Variants in NTM observed in about 807,000 individuals in gnomAD.
NTM encodes the protein neurotrimin.
Under a neutral mutation model 42.1 loss-of-function variants are expected in NTM, and 13 were observed. The ratio of observed to expected loss-of-function variants is 0.31; its 90% CI spans 0.20 to 0.49. NTM has a LOEUF of 0.49. Among genes scored for constraint, NTM ranks in the 20% least tolerant of loss-of-function variants. NTM has a pLI of 0.99. For missense variants in NTM, 373 were observed against 452.8 expected, an observed-to-expected ratio of 0.82 and a Z score of 1.60; for synonymous variants, 187 against 179.2, an observed-to-expected ratio of 1.04 and a Z score of -0.35.
chr11:132,065,779 AC>A (rs1566066001), intron 2 of NTM, among the ~76,000 whole-genome samples: 4 of 152,220 alleles, frequency 2.6e-5, no homozygotes, highest in African/African-American at 9.6e-5. Context: ...CATGTGACAT[AC>A]ATTAGTTCAT....
At chr11:131,648,985 T>A (rs914016127) in intron 1 of NTM, among the ~76,000 whole-genome samples, 1 of 152,238 alleles carries the variant, frequency 6.6e-6, no homozygotes, top group Non-Finnish European at 1.5e-5. Context: ...GAGCAAAGCA[T>A]GAGCCTGAGA....
intron 1 of NTM, among the ~76,000 whole-genome samples, chr11:131,780,813 G>T (rs2087948899): frequency 1.3e-5 from 2 of 152,112 alleles, no homozygotes; most frequent in South Asian, 4.1e-4. Context: ...TGGAAGGTGA[G>T]GCTGTGATGG....
At chr11:132,040,009 C>G (rs1277480766) in intron 2 of NTM, among the ~76,000 whole-genome samples, 1 of 152,122 alleles carries the variant, frequency 6.6e-6, no homozygotes, top group Non-Finnish European at 1.5e-5. Flanking sequence ...ACTGCAGCCT[C>G]TGCCTCCCAG....
intron 1 of NTM, among the ~76,000 whole-genome samples, chr11:131,560,025 A>G (rs974485403): frequency 2.6e-5 from 4 of 152,214 alleles, no homozygotes; most frequent in Non-Finnish European, 5.9e-5. Context: ...TGACTCTGCA[A>G]TTGGTGCTAT....
intron 1 of NTM, among the ~76,000 whole-genome samples, chr11:131,751,684 C>T (rs577966482): frequency 4.5e-4 from 68 of 152,112 alleles, no homozygotes; most frequent in South Asian, 4.4e-3. Flanking sequence ...CGCTTGAACC[C>T]GGGAGGCAGA....
At chr11:131,539,235 C>T (rs994854001) in intron 1 of NTM, 14 of 152,156 alleles carry the variant, frequency 9.2e-5, no homozygotes, top group Admixed American at 3.3e-4. Context: ...AGCCAAAAAG[C>T]CAATCCATCA....
At chr11:131,387,352 T>A (rs1412292975) in intron 1 of NTM, among the ~76,000 whole-genome samples, 1 of 152,060 alleles carries the variant, frequency 6.6e-6, no homozygotes, top group African/African-American at 2.4e-5. Flanking sequence ...CACTCCCCTC[T>A]TCACTCTGCT....
intron 2 of NTM, among the ~76,000 whole-genome samples, chr11:131,916,855 C>T (rs2056475259): frequency 1.3e-5 from 2 of 152,214 alleles, no homozygotes; most frequent in South Asian, 4.1e-4. Flanking sequence ...ACAGCTTATT[C>T]CAGCTGCAAA....
chr11:131,769,520 GTTA>G (rs1319457846), intron 1 of NTM: 11 of 588,824 alleles, frequency 1.9e-5, no homozygotes, highest in Non-Finnish European at 2.4e-5. Flanking sequence ...TTATAAAGAA[GTTA>G]TTGTTTCGTT....
intron 1 of NTM, among the ~76,000 whole-genome samples, chr11:131,521,422 T>TTTTTTTTG: frequency 1.2e-5 from 1 of 81,794 alleles, no homozygotes; most frequent in Non-Finnish European, 2.2e-5. Flanking sequence ...TTTTTTTTTT[T>TTTTTTTTG]GAGACGGGAG....
intron 1 of NTM, among the ~76,000 whole-genome samples, chr11:131,872,980 A>G (rs756461812): frequency 3.9e-5 from 6 of 152,084 alleles, no homozygotes; most frequent in Non-Finnish European, 8.8e-5. Context: ...AAACGTTCCT[A>G]TTTCTCCACA....
intron 1 of NTM, among the ~76,000 whole-genome samples, chr11:131,865,269 C>T (rs149735657): frequency 1.3e-5 from 2 of 152,196 alleles, no homozygotes; most frequent in East Asian, 1.9e-4. Flanking sequence ...GATCCCAAAG[C>T]CTGTTTTACT....
At chr11:131,465,917 TG>T (rs1310087835) in intron 1 of NTM, among the ~76,000 whole-genome samples, 3 of 152,014 alleles carry the variant, frequency 2.0e-5, no homozygotes, top group Non-Finnish European at 4.4e-5. Context: ...ACCTGATACT[TG>T]CTAATGACCA....
intron 2 of NTM, among the ~76,000 whole-genome samples, chr11:131,979,853 C>A (rs548963373): frequency 3.3e-5 from 5 of 152,346 alleles, no homozygotes; most frequent in Admixed American, 6.5e-5. Flanking sequence ...TAATTACTAA[C>A]TGGCAATTAA....
chr11:131,499,663 TCTCATCTCA>T (rs150064751), intron 1 of NTM, among the ~76,000 whole-genome samples: 13,995 of 152,110 alleles, frequency 0.092, 733 homozygotes, highest in Middle Eastern at 0.17. Context: ...ACTCCTCCAG[TCTCATCTCA>T]CTCACTCCTC....
intron 1 of NTM, among the ~76,000 whole-genome samples, chr11:131,509,590 C>T (rs1191123597): frequency 6.6e-6 from 1 of 152,192 alleles, no homozygotes; most frequent in Non-Finnish European, 1.5e-5. Context: ...AGACCCAGTT[C>T]TAGTTTTTGA....
At chr11:131,605,452 A>G (rs1428604896) in intron 1 of NTM, among the ~76,000 whole-genome samples, 4 of 152,208 alleles carry the variant, frequency 2.6e-5, no homozygotes, top group Non-Finnish European at 5.9e-5. Flanking sequence ...ATACTTTCTT[A>G]GTGGTTTCCT....
chr11:131,925,772 G>A (rs1339217742), intron 2 of NTM, among the ~76,000 whole-genome samples: 1 of 152,138 alleles, frequency 6.6e-6, no homozygotes, highest in Non-Finnish European at 1.5e-5. Context: ...CTGTGGAAAG[G>A]GGAAGAGGCT....
intron 4 of NTM, among the ~76,000 whole-genome samples, chr11:132,286,043 G>T (rs367560973): frequency 6.6e-6 from 1 of 152,170 alleles, no homozygotes; most frequent in African/African-American, 2.4e-5. Flanking sequence ...CAAGCACTTG[G>T]CTTGGCTGCT....
Sources: allele counts gnomAD v4.1 joint callset (sites outside exome capture counted in the v4.1 genomes callset), GRCh38; gene constraint gnomAD v4.1.1; transcripts MANE v1.5; gene names NCBI Gene and HGNC (gene_info 2026-07-23, HGNC 2026-07-21).